ASIC2: variants seen among roughly 807,000 people sequenced by gnomAD.
ASIC2 encodes acid sensing ion channel subunit 2.
ASIC2 carries 25 observed loss-of-function variants against 57.3 expected under a neutral mutation model. That is an observed-to-expected ratio of 0.44 (90% confidence interval 0.32 to 0.61). The LOEUF (loss-of-function observed/expected upper bound fraction) is 0.61, where lower values mean the gene tolerates loss of function less well. Among genes scored for constraint, ASIC2 ranks in the 20% least tolerant of loss-of-function variants. ASIC2 has a pLI of 0.06. For missense variants in ASIC2, 641 were observed against 738.1 expected, an observed-to-expected ratio of 0.87 and a Z score of 1.52; for synonymous variants, 319 against 307.5, an observed-to-expected ratio of 1.04 and a Z score of -0.39.
chr17:33,600,840 G>A (rs546563223), intron 1 of ASIC2, among the ~76,000 whole-genome samples: 1 of 152,256 alleles, frequency 6.6e-6, no homozygotes, highest in East Asian at 1.9e-4. Context: ...GGGTGGTAAA[G>A]GCCATTCTGA....
At chr17:34,126,806 G>A (rs148883561) in intron 1 of ASIC2, among the ~76,000 whole-genome samples, 11 of 152,318 alleles carry the variant, frequency 7.2e-5, no homozygotes, top group Non-Finnish European at 1.6e-4. Flanking sequence ...TGCAGATTCC[G>A]TTTCTGCAGA....
chr17:33,712,637 T>G (rs1279093365), intron 1 of ASIC2, among the ~76,000 whole-genome samples: 1 of 40,486 alleles, frequency 2.5e-5, no homozygotes, highest in Non-Finnish European at 6.5e-5. Flanking sequence ...CTCATATGGC[T>G]TTTTTTTTTT....
intron 1 of ASIC2, among the ~76,000 whole-genome samples, chr17:33,115,848 GTGAATGAA>G (rs1186328757): frequency 6.6e-6 from 1 of 152,208 alleles, no homozygotes; most frequent in African/African-American, 2.4e-5. Flanking sequence ...GAATGAATGA[GTGAATGAA>G]TGAATGAATG....
chr17:33,395,632 C>T (rs1182327753), intron 1 of ASIC2, among the ~76,000 whole-genome samples: 1 of 152,190 alleles, frequency 6.6e-6, no homozygotes, highest in Non-Finnish European at 1.5e-5. Flanking sequence ...ACTCCTCATT[C>T]ACCCGTTTAT....
At chr17:33,917,752 A>G (rs1915613926) in intron 1 of ASIC2, among the ~76,000 whole-genome samples, 1 of 152,234 alleles carries the variant, frequency 6.6e-6, no homozygotes, top group Non-Finnish European at 1.5e-5. Flanking sequence ...CCTCTGTGTC[A>G]GACACTGTGT....
intron 1 of ASIC2, among the ~76,000 whole-genome samples, chr17:34,018,646 G>A (rs1567789664): frequency 6.6e-6 from 1 of 152,164 alleles, no homozygotes; most frequent in Admixed American, 6.5e-5. Context: ...ACAGAGGTTT[G>A]GAAGAAGTTG....
At chr17:33,650,915 T>G (rs1906898545) in intron 1 of ASIC2, among the ~76,000 whole-genome samples, 1 of 152,194 alleles carries the variant, frequency 6.6e-6, no homozygotes, top group African/African-American at 2.4e-5. Flanking sequence ...CTTTTGACTG[T>G]GTCAATGCCA....
chr17:33,372,412 C>A (rs1314276188), intron 1 of ASIC2, among the ~76,000 whole-genome samples: 3 of 152,128 alleles, frequency 2.0e-5, no homozygotes, highest in Non-Finnish European at 4.4e-5. Flanking sequence ...GCTCTGCCTA[C>A]CCCCTGGGGC....
chr17:33,290,399 A>G (rs111422615), intron 1 of ASIC2, among the ~76,000 whole-genome samples: 59 of 152,340 alleles, frequency 3.9e-4, no homozygotes, highest in African/African-American at 1.4e-3. Context: ...GAAAAGCCCA[A>G]ACCCACCTAA....
chr17:33,528,092 G>C lies in ASIC2; in HGVS notation c.556-416025C>G, dbSNP rs372410922. ...GGTGAGAAGGTGTCAGGGCCAGTAA[G>C]TGTCATTACCACGCCCTCGTAGGAG... On this transcript the variant is annotated intron_variant, in intron 1 of 9. Transcript: ENST00000359872. Among the ~76,000 whole-genome samples the C allele has an allele frequency of 1.1e-4, 16 of 152,048 alleles. No homozygotes were observed. In the East Asian group the frequency reaches 3.1e-3, roughly 30 times the overall value.
chr17:34,104,896 T>G (rs1910989916), intron 1 of ASIC2, among the ~76,000 whole-genome samples: 1 of 152,070 alleles, frequency 6.6e-6, no homozygotes, highest in Admixed American at 6.5e-5. Flanking sequence ...GAAGAATATT[T>G]TCTTCCCTTT....
At chr17:34,107,009 G>C (rs1204743148) in intron 1 of ASIC2, among the ~76,000 whole-genome samples, 1 of 151,954 alleles carries the variant, frequency 6.6e-6, no homozygotes, top group South Asian at 2.1e-4. Context: ...ATATACATAT[G>C]CGCAAACCTA....
At chr17:33,168,698 G>C (rs1007928622) in intron 1 of ASIC2, among the ~76,000 whole-genome samples, 3 of 152,172 alleles carry the variant, frequency 2.0e-5, no homozygotes, top group African/African-American at 7.2e-5. Flanking sequence ...AAGCAGCAAA[G>C]CATTCAGGCT....
intron 1 of ASIC2, among the ~76,000 whole-genome samples, chr17:33,447,351 A>T (rs1912065467): frequency 6.6e-6 from 1 of 152,172 alleles, no homozygotes; most frequent in African/African-American, 2.4e-5. Flanking sequence ...ACTAATCAGG[A>T]GGAGAAGCCA....
chr17:33,991,517 T>C (rs1326577995), intron 1 of ASIC2, among the ~76,000 whole-genome samples: 1 of 152,194 alleles, frequency 6.6e-6, no homozygotes, highest in Non-Finnish European at 1.5e-5. Flanking sequence ...CTCCTCTGCA[T>C]GGAGTAAGGG....
intron 1 of ASIC2, among the ~76,000 whole-genome samples, chr17:33,254,236 A>G (rs1048020800): frequency 6.6e-6 from 1 of 152,124 alleles, no homozygotes; most frequent in South Asian, 2.1e-4. Context: ...AAGGTCAGGG[A>G]ACACTGGTCC....
intron 1 of ASIC2, among the ~76,000 whole-genome samples, chr17:33,696,507 G>A (rs1036330514): frequency 6.6e-5 from 10 of 152,210 alleles, no homozygotes; most frequent in South Asian, 2.1e-4. Flanking sequence ...AAAGAAGACC[G>A]AGGGAGGATG....
chr17:33,738,862 C>T (rs940756135), intron 1 of ASIC2, among the ~76,000 whole-genome samples: 1 of 152,210 alleles, frequency 6.6e-6, no homozygotes, highest in Non-Finnish European at 1.5e-5. Context: ...TTCCTTTTCC[C>T]TAAGGTGAAC....
chr17:33,783,574 C>T (rs1911519695), intron 1 of ASIC2, among the ~76,000 whole-genome samples: 1 of 152,232 alleles, frequency 6.6e-6, no homozygotes. Context: ...GGGTTGCCTG[C>T]CACATGGTAG....
Sources: allele counts gnomAD v4.1 joint callset (sites outside exome capture counted in the v4.1 genomes callset), GRCh38; gene constraint gnomAD v4.1.1; transcripts MANE v1.5; gene names NCBI Gene and HGNC (gene_info 2026-07-23, HGNC 2026-07-21).